The following LRP1B variants were observed in gnomAD, a reference collection of about 807,000 sequenced individuals.
LRP1B encodes the protein low-density lipoprotein receptor-related protein 1B.
In LRP1B, 217 loss-of-function variants were observed where a neutral mutation model predicts 556.6. The ratio of observed to expected loss-of-function variants is 0.39; its 90% CI spans 0.35 to 0.44. The LOEUF (loss-of-function observed/expected upper bound fraction) is 0.44, where lower values mean the gene tolerates loss of function less well. LRP1B is among the 20% of genes least tolerant of loss of function. The probability of loss-of-function intolerance (pLI) is 1.00; values close to 1 mark genes in which losing one functional copy is unlikely to be tolerated. For synonymous variants in LRP1B, 2,047 were observed against 1,865.8 expected (o/e 1.10, Z -2.50); for missense variants, 5,053 against 5,620.8 (o/e 0.90, Z 3.23).
At chr2:140,272,209 A>T (rs1488658759) in intron 85 of LRP1B, among the ~76,000 whole-genome samples, 2 of 151,490 alleles carry the variant, frequency 1.3e-5, no homozygotes, top group Non-Finnish European at 2.9e-5. Context: ...TTTAAAGTAA[A>T]TTTTCATAAT....
At chr2:140,898,714 G>A in intron 23 of LRP1B, 1 of 514,262 alleles carries the variant, frequency 1.9e-6, no homozygotes, top group Admixed American at 2.3e-5. Flanking sequence ...AGTCACCTGA[G>A]AGAGCTGCCA....
At chr2:141,317,107 A>G (rs1687062509) in intron 3 of LRP1B, among the ~76,000 whole-genome samples, 1 of 152,192 alleles carries the variant, frequency 6.6e-6, no homozygotes, top group Non-Finnish European at 1.5e-5. Flanking sequence ...ATTTGACACA[A>G]TTGAATGAGG....
At chr2:141,038,240 A>C (rs963497422) in intron 11 of LRP1B, among the ~76,000 whole-genome samples, 1 of 152,096 alleles carries the variant, frequency 6.6e-6, no homozygotes, top group African/African-American at 2.4e-5. Flanking sequence ...TCCGGGCCAG[A>C]GGCAGCACAA....
At chr2:140,446,765 G>T (rs1432789692) in intron 63 of LRP1B, among the ~76,000 whole-genome samples, 1 of 151,634 alleles carries the variant, frequency 6.6e-6, no homozygotes, top group Non-Finnish European at 1.5e-5. Context: ...CATTAGTGTG[G>T]GTAAAAACTG....
At chr2:140,348,073 A>T (rs1194128758) in intron 77 of LRP1B, among the ~76,000 whole-genome samples, 2 of 152,034 alleles carry the variant, frequency 1.3e-5, no homozygotes, top group East Asian at 3.9e-4. Flanking sequence ...CATGTCATAC[A>T]TCTTTTGGAA....
chr2:141,964,763 A>G (rs1006914458), intron 1 of LRP1B, among the ~76,000 whole-genome samples: 95 of 152,140 alleles, frequency 6.2e-4, no homozygotes, highest in Middle Eastern at 3.4e-3. Flanking sequence ...ATTAAACTAA[A>G]GAGCTTCTAC....
intron 35 of LRP1B, among the ~76,000 whole-genome samples, chr2:140,727,559 G>C (rs1044868298): frequency 1.3e-5 from 2 of 152,160 alleles, no homozygotes; most frequent in African/African-American, 4.8e-5. Context: ...AGACTGGGTA[G>C]CATTTGGATT....
In LRP1B at chr2:141,281,460, A is replaced by G. The variant is rs189876434; in HGVS notation, c.344-26819T>C. Among the ~76,000 whole-genome samples the G allele has an allele frequency of 2.6e-5, 4 of 152,218 alleles. No homozygotes were observed. In the East Asian group the frequency reaches 7.7e-4, roughly 29 times the overall value. On this transcript the variant is annotated intron_variant, in intron 3 of 90. Transcript: ENST00000389484. ...AAATGAGTCTTATATAAATATGCCA[A>G]TCACTAATTCTAAAACAAGATAGAT...
At chr2:141,620,568 C>G (rs1241550782) in intron 2 of LRP1B, among the ~76,000 whole-genome samples, 8 of 152,044 alleles carry the variant, frequency 5.3e-5, no homozygotes, top group Non-Finnish European at 1.2e-4. Flanking sequence ...ATACTTTTTT[C>G]TGTTATTTTA....
chr2:140,241,554 C>A (rs559256833), intron 87 of LRP1B, among the ~76,000 whole-genome samples: 1 of 150,710 alleles, frequency 6.6e-6, no homozygotes, highest in South Asian at 2.1e-4. Context: ...TAAAAGGTTT[C>A]TTTTTTTCCC....
At chr2:140,797,505 C>G (rs541893347) in intron 32 of LRP1B, among the ~76,000 whole-genome samples, 3 of 151,894 alleles carry the variant, frequency 2.0e-5, no homozygotes, top group African/African-American at 7.2e-5. Flanking sequence ...TATTAAAATG[C>G]ATAATAATAG....
At position 140,687,751 on chromosome 2, in the gene LRP1B, T is replaced by C. The variant is rs530911333; in HGVS notation, c.6799+12499A>G. On this transcript the variant is annotated intron_variant, in intron 41 of 90. Transcript: ENST00000389484. The stretch of plus-strand genomic sequence containing the variant: ...AGTCTAAAAACCCAAGACTTTCATA[T>C]ACCTTTTAGTAGGTATATAAAATTG... 9.8e-5 allele frequency among the ~76,000 whole-genome samples: 15 copies of C among 152,324 alleles called. No individual in the cohort carries two copies. In the Middle Eastern group the frequency reaches 0.01, roughly 104 times the overall value.
At chr2:140,509,079 C>A (rs867698112) in intron 52 of LRP1B, among the ~76,000 whole-genome samples, 1 of 54,886 alleles carries the variant, frequency 1.8e-5, no homozygotes, top group African/African-American at 6.4e-5. Flanking sequence ...CACACACACA[C>A]ACAAACACAC....
Position 141,971,927 on chromosome 2 carries a change from C to T in LRP1B, c.82+158721G>A, listed in dbSNP as rs116769812. Among the ~76,000 whole-genome samples the T allele has an allele frequency of 4.2e-3, 642 of 151,494 alleles. 3 individuals are homozygous for T. Among genetic ancestry groups the T allele is most frequent in the African/African-American group, 0.014 (564 of 41,442 alleles). ...ACCCCTTTATACCTAATCTATCATCCGTGCTATTCTCTCTGTGTAAAATCT... is the reference window on the plus strand; with the variant it reads ...ACCCCTTTATACCTAATCTATCATCTGTGCTATTCTCTCTGTGTAAAATCT... On this transcript the variant is annotated intron_variant, in intron 1 of 90. Coordinates refer to ENST00000389484, the MANE Select transcript of LRP1B (RefSeq NM_018557.3).
chr2:141,059,913 T>A (rs1699290938), intron 8 of LRP1B, among the ~76,000 whole-genome samples: 1 of 151,814 alleles, frequency 6.6e-6, no homozygotes, highest in Non-Finnish European at 1.5e-5. Flanking sequence ...ATGGTTCTGT[T>A]CCAGGGTAAA....
chr2:140,631,437 T>C (rs940250382), intron 41 of LRP1B, among the ~76,000 whole-genome samples: 6 of 152,076 alleles, frequency 3.9e-5, no homozygotes, highest in African/African-American at 1.2e-4. Flanking sequence ...TCAAGAACAG[T>C]TGGGTAATGT....
At chr2:140,912,171 C>A (rs544627403) in intron 21 of LRP1B, among the ~76,000 whole-genome samples, 37 of 151,586 alleles carry the variant, frequency 2.4e-4, no homozygotes, top group African/African-American at 8.4e-4. Context: ...GAAGGCGAAC[C>A]AAGTATGATA....
chr2:141,138,322 G>T (rs1701540509), intron 7 of LRP1B, among the ~76,000 whole-genome samples: 1 of 151,962 alleles, frequency 6.6e-6, no homozygotes, highest in Non-Finnish European at 1.5e-5. Context: ...ACTTACTGGT[G>T]AAAGACTGAA....
At chr2:142,117,035 C>A (rs180879367) in intron 1 of LRP1B, among the ~76,000 whole-genome samples, 238 of 152,186 alleles carry the variant, frequency 1.6e-3, no homozygotes, top group African/African-American at 5.4e-3. Flanking sequence ...CCACATTTCA[C>A]TAACAATGTG....
Sources: allele counts gnomAD v4.1 joint callset (sites outside exome capture counted in the v4.1 genomes callset), GRCh38; gene constraint gnomAD v4.1.1; transcripts MANE v1.5; gene names NCBI Gene and HGNC (gene_info 2026-07-23, HGNC 2026-07-21).